ZNF804A: variants seen among roughly 807,000 people sequenced by gnomAD.
ZNF804A encodes zinc finger protein 804A.
Under a neutral mutation model 16.5 loss-of-function variants are expected in ZNF804A, and 2 were observed. That is an observed-to-expected ratio of 0.12 (90% CI 0.05 to 0.38). ZNF804A has a LOEUF of 0.38. Among genes scored for constraint, ZNF804A ranks in the 10% least tolerant of loss-of-function variants. The probability of loss-of-function intolerance (pLI) is 0.99; values close to 1 mark genes in which losing one functional copy is unlikely to be tolerated. For missense variants in ZNF804A, 1,473 were observed against 1,390.7 expected (o/e 1.06, Z -0.94); for synonymous variants, 534 against 489.6 (o/e 1.09, Z -1.20).
At chr2:184,835,080 A>G (rs1399839660) in intron 1 of ZNF804A, among the ~76,000 whole-genome samples, 1 of 152,168 alleles carries the variant, frequency 6.6e-6, no homozygotes, top group East Asian at 1.9e-4. Context: ...TCAGCAAATT[A>G]ACAGGATAGA....
chr2:184,853,573 T>C (rs1373068693), intron 1 of ZNF804A, among the ~76,000 whole-genome samples: 1 of 151,918 alleles, frequency 6.6e-6, no homozygotes, highest in Non-Finnish European at 1.5e-5. Context: ...ATATTCCTTC[T>C]ATATCTAATT....
chr2:184,870,891 GATA>G lies in ZNF804A; in HGVS notation c.255+4386_255+4388del, dbSNP rs1401541262. On this transcript the variant is annotated intron_variant, in intron 2 of 3. Transcript: ENST00000302277. ...CCTTCAGAAGAGTAATGCTACTGAT[GATA>G]ATAATAGCAACAATTTACATATAAT... Among the ~76,000 whole-genome samples, 6 of 151,902 alleles carry G rather than the reference GATA, an allele frequency of 3.9e-5. No homozygotes were observed. The East Asian group carries it at 7.7e-4, about 20-fold the overall frequency.
chr2:184,628,823 A>G (rs1167152888), intron 1 of ZNF804A, among the ~76,000 whole-genome samples: 1 of 152,172 alleles, frequency 6.6e-6, no homozygotes, highest in Non-Finnish European at 1.5e-5. Flanking sequence ...TTATCAAGTA[A>G]TAAATGTTTT....
intron 1 of ZNF804A, among the ~76,000 whole-genome samples, chr2:184,780,864 A>G (rs1694361521): frequency 6.6e-6 from 1 of 151,764 alleles, no homozygotes. Flanking sequence ...TAACTTCAGC[A>G]GGAGCTATCA....
At chr2:184,837,917 A>G (rs1695379328) in intron 1 of ZNF804A, among the ~76,000 whole-genome samples, 1 of 152,108 alleles carries the variant, frequency 6.6e-6, no homozygotes, top group Non-Finnish European at 1.5e-5. Context: ...TAGTATGATC[A>G]CCATAGCCTT....
chr2:184,880,235 CA>C (rs1197840926), intron 2 of ZNF804A, among the ~76,000 whole-genome samples: 3 of 151,450 alleles, frequency 2.0e-5, no homozygotes, highest in South Asian at 2.1e-4. Flanking sequence ...TAAGATATTT[CA>C]AAAAAAATTA....
At chr2:184,886,607 A>G (rs1033134234) in intron 2 of ZNF804A, among the ~76,000 whole-genome samples, 2 of 152,202 alleles carry the variant, frequency 1.3e-5, no homozygotes, top group African/African-American at 4.8e-5. Context: ...ATTTCCATAC[A>G]TCTTCTGAAA....
At chr2:184,700,932 A>T (rs147374796) in intron 1 of ZNF804A, among the ~76,000 whole-genome samples, 34 of 152,086 alleles carry the variant, frequency 2.2e-4, no homozygotes, top group African/African-American at 7.9e-4. Flanking sequence ...GAGGATATCC[A>T]TCACCTCAGA....
chr2:184,735,258 A>G (rs978061690), intron 1 of ZNF804A, among the ~76,000 whole-genome samples: 9 of 152,110 alleles, frequency 5.9e-5, no homozygotes, highest in Non-Finnish European at 1.3e-4. Flanking sequence ...TAGGTCCAAG[A>G]TCAGGCTGTA....
At chr2:184,656,678 A>T (rs1692078658) in intron 1 of ZNF804A, among the ~76,000 whole-genome samples, 1 of 151,872 alleles carries the variant, frequency 6.6e-6, no homozygotes, top group African/African-American at 2.4e-5. Flanking sequence ...GTGTGTGTAT[A>T]TATACATATA....
At chr2:184,667,102 G>A (rs1692266662) in intron 1 of ZNF804A, among the ~76,000 whole-genome samples, 1 of 151,874 alleles carries the variant, frequency 6.6e-6, no homozygotes, top group Non-Finnish European at 1.5e-5. Flanking sequence ...GCATTGTATT[G>A]AGGTAAGAAA....
intron 1 of ZNF804A, among the ~76,000 whole-genome samples, chr2:184,813,120 T>A (rs1694926859): frequency 6.6e-6 from 1 of 152,128 alleles, no homozygotes; most frequent in South Asian, 2.1e-4. Flanking sequence ...GTCACATTAC[T>A]GTTGAATTTT....
chr2:184,664,985 T>C (rs9678203), intron 1 of ZNF804A, among the ~76,000 whole-genome samples: 84,055 of 151,952 alleles, frequency 0.55, 24,111 homozygotes, highest in African/African-American at 0.65. Context: ...ATTATAATGA[T>C]AATTTTTTAA....
intron 2 of ZNF804A, among the ~76,000 whole-genome samples, chr2:184,907,440 T>C (rs1685294648): frequency 6.6e-6 from 1 of 152,212 alleles, no homozygotes. Context: ...CTTGGGAATA[T>C]GCCTCCCTCT....
intron 1 of ZNF804A, among the ~76,000 whole-genome samples, chr2:184,609,184 T>A (rs11689481): frequency 2.9e-4 from 44 of 152,266 alleles, no homozygotes; most frequent in Non-Finnish European, 5.1e-4. Context: ...TCACTGGAGA[T>A]ACAGGGTAGG....
intron 2 of ZNF804A, among the ~76,000 whole-genome samples, chr2:184,922,659 C>CAAG (rs1351592706): frequency 1.1e-4 from 16 of 152,036 alleles, no homozygotes; most frequent in South Asian, 4.1e-4. Context: ...AGTTATTGCT[C>CAAG]AAGAAGTCTT....
At chr2:184,707,047 A>G (rs926193257) in intron 1 of ZNF804A, among the ~76,000 whole-genome samples, 3 of 152,174 alleles carry the variant, frequency 2.0e-5, no homozygotes, top group African/African-American at 7.2e-5. Flanking sequence ...TCATAGGCAT[A>G]AAGAGATTCA....
At chr2:184,739,313 T>G (rs1364752906) in intron 1 of ZNF804A, among the ~76,000 whole-genome samples, 1 of 152,222 alleles carries the variant, frequency 6.6e-6, no homozygotes, top group Non-Finnish European at 1.5e-5. Flanking sequence ...TTGAAAGGCT[T>G]AAGCAATAAG....
intron 1 of ZNF804A, among the ~76,000 whole-genome samples, chr2:184,843,906 C>T (rs1695475190): frequency 6.6e-6 from 1 of 152,028 alleles, no homozygotes. Context: ...GGAGTAATAT[C>T]TACCATGTTT....
Sources: gnomAD v4.1 joint callset for allele counts (sites outside exome capture counted in the v4.1 genomes callset) on GRCh38, gnomAD v4.1.1 for gene constraint, MANE v1.5 for transcripts, NCBI Gene and HGNC (gene_info 2026-07-23, HGNC 2026-07-21) for gene names.